PCM1: variants seen among roughly 807,000 people sequenced by gnomAD.
PCM1 encodes pericentriolar material 1, also known as pericentriolar material 1 protein.
Under a neutral mutation model 241.9 loss-of-function variants are expected in PCM1, and 157 were observed. That is an observed-to-expected ratio of 0.65 (90% CI 0.57 to 0.74). The LOEUF is 0.74. PCM1 is among the 30% of genes least tolerant of loss of function. The pLI is 0.00. For missense variants in PCM1, 3,478 were observed against 2,360.1 expected, an observed-to-expected ratio of 1.47 and a Z score of -9.81; for synonymous variants, 1,085 against 784.9, an observed-to-expected ratio of 1.38 and a Z score of -6.39.
At chr8:17,961,423 G>C (rs1485208345) in intron 15 of PCM1, among the ~76,000 whole-genome samples, 1 of 144,912 alleles carries the variant, frequency 6.9e-6, no homozygotes, top group Non-Finnish European at 1.5e-5. Context: ...CCATTCTCCT[G>C]CCTCAGCCTC....
chr8:17,993,246 TTTA>T, intron 28 of PCM1, among the ~76,000 whole-genome samples: 1 of 152,202 alleles, frequency 6.6e-6, no homozygotes, highest in South Asian at 2.1e-4. Context: ...AGGTATATTT[TTTA>T]TTGATTACAA....
intron 8 of PCM1, among the ~76,000 whole-genome samples, chr8:17,952,224 AAAATAAATAAAT>A (rs148620624): frequency 4.8e-5 from 7 of 146,972 alleles, no homozygotes; most frequent in East Asian, 2.0e-4. Flanking sequence ...CTTTGTCTCA[AAAATAAATAAAT>A]AAATAAATAA....
chr8:17,973,249 C>T (rs1312516887), intron 23 of PCM1, among the ~76,000 whole-genome samples: 1 of 151,976 alleles, frequency 6.6e-6, no homozygotes, highest in Non-Finnish European at 1.5e-5. Context: ...TTAGTCATAC[C>T]TCTTACAAAA....
chr8:17,945,443 T>G (rs1222184476), intron 6 of PCM1, among the ~76,000 whole-genome samples: 1 of 152,178 alleles, frequency 6.6e-6, no homozygotes, highest in African/African-American at 2.4e-5. Context: ...AGTCTAGAGA[T>G]AGTCTAGGAT....
At chr8:17,924,584 TAA>T (rs377454515) in intron 1 of PCM1, 127 bp from the exon 2 acceptor site, 22 of 152,226 alleles carry the variant, frequency 1.4e-4, no homozygotes, top group African/African-American at 3.9e-4. Flanking sequence ...AAAATATGAA[TAA>T]GTTATATTTT....
At chr8:17,950,747 G>C in intron 8 of PCM1, 23 bp downstream of exon 8, 1 of 1,297,124 alleles carries the variant, frequency 7.7e-7, no homozygotes, top group Non-Finnish European at 1.1e-6. Flanking sequence ...TTTTAGTATA[G>C]TTGAGTTTAA....
chr8:17,991,020 C>G (rs950191354), intron 27 of PCM1, among the ~76,000 whole-genome samples: 1 of 151,586 alleles, frequency 6.6e-6, no homozygotes, highest in African/African-American at 2.4e-5. Flanking sequence ...ACTTCGACTC[C>G]TACGTATTTT....
intron 13 of PCM1, among the ~76,000 whole-genome samples, chr8:17,959,558 G>T (rs1009889355): frequency 2.4e-5 from 2 of 84,174 alleles, no homozygotes; most frequent in African/African-American, 9.8e-5. Flanking sequence ...CATTTTAAAG[G>T]ACACAACTTA....
chr8:17,997,193 C>T (rs577239348), intron 29 of PCM1, among the ~76,000 whole-genome samples: 1 of 151,460 alleles, frequency 6.6e-6, no homozygotes, highest in Admixed American at 6.6e-5. Context: ...CTTCCTTCAG[C>T]ACTTGAAACA....
At chr8:17,925,273 A>G (rs1270047655) in intron 2 of PCM1, 1 of 152,196 alleles carries the variant, frequency 6.6e-6, no homozygotes, top group Non-Finnish European at 1.5e-5. Flanking sequence ...TACTTGAAAC[A>G]TTACTTTTAG....
At chr8:17,945,967 C>T (rs1161332397) in intron 6 of PCM1, among the ~76,000 whole-genome samples, 1 of 151,978 alleles carries the variant, frequency 6.6e-6, no homozygotes, top group Non-Finnish European at 1.5e-5. Flanking sequence ...AAATAAAAGA[C>T]TTTTTAAAAG....
At chr8:17,943,078 T>A (rs2062690451) in intron 6 of PCM1, among the ~76,000 whole-genome samples, 1 of 152,110 alleles carries the variant, frequency 6.6e-6, no homozygotes. Context: ...AGTACTATTT[T>A]AGTAATTGAG....
chr8:17,949,108 C>T (rs1027917996), intron 7 of PCM1, among the ~76,000 whole-genome samples: 2 of 152,210 alleles, frequency 1.3e-5, no homozygotes, highest in Admixed American at 6.5e-5. Flanking sequence ...TATTATGAGT[C>T]AGAGAATAGG....
chr8:17,990,864 A>G (rs2084367044), intron 27 of PCM1, among the ~76,000 whole-genome samples: 1 of 152,086 alleles, frequency 6.6e-6, no homozygotes, highest in Non-Finnish European at 1.5e-5. Context: ...GCTTATTGTA[A>G]TTATTGAGGA....
At chr8:17,984,882 G>A (rs192914568) in intron 24 of PCM1, among the ~76,000 whole-genome samples, 9 of 151,878 alleles carry the variant, frequency 5.9e-5, no homozygotes, top group Admixed American at 5.9e-4. Flanking sequence ...TGGTGAAATT[G>A]ACCTATTATG....
In PCM1 at chr8:17,972,505, A is replaced by C. The variant is rs747848735; in HGVS notation, c.3761A>C (p.Asp1254Ala). ...LDTNGRRRQF[D>A]EESLESFSSM... ...ACAAACGGAAGAAGACGCCAGTTTG[A>C]TGAAGAATCACTGGAAAGCTTTAGC... is the stretch of plus-strand genomic sequence containing the variant. Residue 1254 changes from aspartate (D) to alanine (A), a missense_variant, in exon 23 of 39, where the codon GAT becomes GCT. Transcript: ENST00000325083. 1 of 1,613,956 alleles carries C rather than the reference A, an allele frequency of 6.2e-7. No individual in the cohort carries two copies. Among genetic ancestry groups the C allele is most frequent in the South Asian group, 1.1e-5 (1 of 91,082 alleles).
intron 9 of PCM1, 122 bp downstream of exon 9, chr8:17,953,308 A>G (rs1053430756): frequency 4.1e-6 from 2 of 485,692 alleles, no homozygotes; most frequent in African/African-American, 3.9e-5. Context: ...TAGGGACTTA[A>G]GACTTGCATA....
chr8:17,972,215 C>A, intron 22 of PCM1, 114 bp from the exon 23 acceptor site: 1 of 522,294 alleles, frequency 1.9e-6, no homozygotes, highest in Non-Finnish European at 3.3e-6. Context: ...ATTTTTATAG[C>A]CTGTTGACAA....
chr8:17,947,769 TTTA>T (rs1463500928), intron 7 of PCM1, among the ~76,000 whole-genome samples: 1 of 152,216 alleles, frequency 6.6e-6, no homozygotes, highest in Non-Finnish European at 1.5e-5. Flanking sequence ...AGTGAGTAAA[TTTA>T]TAAAGTGTCT....
Sources: allele counts gnomAD v4.1 joint callset (sites outside exome capture counted in the v4.1 genomes callset), GRCh38; gene constraint gnomAD v4.1.1; transcripts MANE v1.5; gene names NCBI Gene and HGNC (gene_info 2026-07-23, HGNC 2026-07-21).